Variants in ZMYND11 observed in about 807,000 individuals in gnomAD.
The protein encoded by ZMYND11 is zinc finger MYND domain-containing protein 11.
ZMYND11 carries 9 observed loss-of-function variants against 84.9 expected under a neutral mutation model. The observed-to-expected ratio is 0.11, with a 90% CI of 0.06 to 0.18. The LOEUF is 0.18. Ranked by LOEUF, ZMYND11 falls within the 10% of genes least tolerant of loss-of-function variation. ZMYND11 has a pLI of 1.00. For synonymous variants in ZMYND11, 250 were observed against 244.1 expected (o/e 1.02, Z -0.23); for missense variants, 409 against 761.0 (o/e 0.54, Z 5.44).
intron 1 of ZMYND11, among the ~76,000 whole-genome samples, chr10:170,861 A>G (rs1845162259): frequency 6.6e-6 from 1 of 152,158 alleles, no homozygotes; most frequent in Non-Finnish European, 1.5e-5. Flanking sequence ...ATCACTTGAA[A>G]TATGGCCTAA....
chr10:202,541 A>G (rs75017789), intron 2 of ZMYND11, among the ~76,000 whole-genome samples: 481 of 152,198 alleles, frequency 3.2e-3, no homozygotes, highest in African/African-American at 0.011. Flanking sequence ...CCATCCAGAA[A>G]ACAAAGTTAT....
Position 240,913 on chromosome 10 carries a change from C to T in ZMYND11, c.774C>T (p.Cys258=), listed in dbSNP as rs147479777. Residue 258 remains cysteine, a synonymous_variant, in exon 9 of 15, where the codon TGC becomes TGT. Transcript: ENST00000381604. ...TCHELDELQL[C]KNCFYLSNAR... is the part of the protein sequence containing the mutation. ...TTCAGCTGGATGAACTGCAGCTTTG[C>T]AAGAATTGCTTTTACTTGTCAAATG... is the stretch of plus-strand genomic sequence containing the variant. The T allele has an allele frequency of 3.2e-5, 52 of 1,613,396 alleles. No individual in the cohort carries two copies. Among genetic ancestry groups the T allele is most frequent in the Non-Finnish European group, 1.7e-6 (2 of 1,179,894 alleles).
chr10:218,337 C>G (rs1356800449), intron 3 of ZMYND11: 2 of 171,242 alleles, frequency 1.2e-5, no homozygotes, highest in African/African-American at 4.8e-5. Flanking sequence ...TAGTATAAGT[C>G]ATATAGGAAA....
intron 1 of ZMYND11, among the ~76,000 whole-genome samples, chr10:155,870 G>T (rs1841584519): frequency 6.6e-6 from 1 of 152,122 alleles, no homozygotes; most frequent in African/African-American, 2.4e-5. Context: ...TGACATTTTG[G>T]TGTACAAGAG....
intron 4 of ZMYND11, among the ~76,000 whole-genome samples, chr10:226,861 G>T (rs1231424591): frequency 6.6e-6 from 1 of 152,024 alleles, no homozygotes; most frequent in Non-Finnish European, 1.5e-5. Context: ...GAAATAAAAG[G>T]ATCAAATTAA....
chr10:218,597 C>T, intron 3 of ZMYND11: 2 of 228,102 alleles, frequency 8.8e-6, no homozygotes, highest in Non-Finnish European at 9.7e-6. Context: ...TTAACTCTTG[C>T]TAGATTTGTT....
chr10:131,745 C>T (rs1424488770), upstream of ZMYND11, among the ~76,000 whole-genome samples: 1 of 151,516 alleles, frequency 6.6e-6, no homozygotes, highest in African/African-American at 2.4e-5. Context: ...CCAGGCTGTT[C>T]TCGAACTCCT....
intron 1 of ZMYND11, among the ~76,000 whole-genome samples, chr10:144,632 C>T (rs1346030659): frequency 7.8e-6 from 1 of 128,286 alleles, no homozygotes; most frequent in Non-Finnish European, 1.6e-5. Context: ...GGCTGAGCGT[C>T]TGAATTCCTT....
rs1235540387 is a variant in ZMYND11, at chr10:145,204, GTATA to G, written c.-20+9651_-20+9654del. The stretch of plus-strand genomic sequence containing the variant: ...TATATGTGTATATACATATGTGTGT[GTATA>G]TATATGTATATATGTGTGTATATAT... On this transcript the variant is annotated intron_variant, in intron 1 of 14. Coordinates refer to ENST00000381604, the MANE Select transcript of ZMYND11 (RefSeq NM_001370100.5). Among the ~76,000 whole-genome samples, 9 of 146,790 alleles carry G rather than the reference GTATA, an allele frequency of 6.1e-5. No individual in the cohort carries two copies. The East Asian group carries it at 1.4e-3, about 22-fold the overall frequency.
chr10:215,541 A>G (rs1303879418), intron 3 of ZMYND11, among the ~76,000 whole-genome samples: 1 of 149,776 alleles, frequency 6.7e-6, no homozygotes, highest in Non-Finnish European at 1.5e-5. Context: ...AAATAGGCCT[A>G]GGGGGCATCT....
At chr10:189,401 T>A (rs1031209944) in intron 2 of ZMYND11, among the ~76,000 whole-genome samples, 2 of 152,266 alleles carry the variant, frequency 1.3e-5, no homozygotes, top group African/African-American at 4.8e-5. Flanking sequence ...AGCCATTGCC[T>A]AAGTTACTTC....
At chr10:238,379 CGG>C (rs1950327415) in intron 6 of ZMYND11, among the ~76,000 whole-genome samples, 1 of 150,780 alleles carries the variant, frequency 6.6e-6, no homozygotes, top group Non-Finnish European at 1.5e-5. Context: ...TTTTTTGAGA[CGG>C]AGTCTCACTC....
chr10:234,031 G>A (rs1340788348), intron 4 of ZMYND11, among the ~76,000 whole-genome samples: 1 of 152,178 alleles, frequency 6.6e-6, no homozygotes, highest in Non-Finnish European at 1.5e-5. Context: ...ATGAACAAGT[G>A]TTACCTAAAC....
chr10:170,099 A>G (rs564369661), intron 1 of ZMYND11, among the ~76,000 whole-genome samples: 4 of 152,256 alleles, frequency 2.6e-5, no homozygotes, highest in East Asian at 1.9e-4. Flanking sequence ...TTCAGAAACC[A>G]TGCAAGCAGG....
At chr10:211,682 A>C (rs555911457) in intron 3 of ZMYND11, among the ~76,000 whole-genome samples, 1 of 152,340 alleles carries the variant, frequency 6.6e-6, no homozygotes, top group South Asian at 2.1e-4. Flanking sequence ...AGCAACAGAA[A>C]ACATGGAAGA....
At chr10:169,019 G>A (rs1397307367) in intron 1 of ZMYND11, among the ~76,000 whole-genome samples, 9 of 152,092 alleles carry the variant, frequency 5.9e-5, no homozygotes, top group African/African-American at 1.7e-4. Flanking sequence ...TTCTTGGAGC[G>A]GGAGGGGGAA....
chr10:243,915 CTG>C (rs1244540590), intron 10 of ZMYND11, among the ~76,000 whole-genome samples: 3 of 152,168 alleles, frequency 2.0e-5, no homozygotes, highest in Non-Finnish European at 1.5e-5. Context: ...CTAGAGTAGT[CTG>C]TCACCTGAAG....
intron 10 of ZMYND11, among the ~76,000 whole-genome samples, chr10:246,035 C>T (rs761422832): frequency 6.6e-6 from 1 of 152,190 alleles, no homozygotes; most frequent in Non-Finnish European, 1.5e-5. Flanking sequence ...TTGAACACAA[C>T]ATTTGGGATG....
At chr10:197,932 C>A in intron 2 of ZMYND11, 1 of 638,696 alleles carries the variant, frequency 1.6e-6, no homozygotes, top group South Asian at 1.8e-5. Context: ...CTACATTATT[C>A]TTGAACCTAT....
Sources: gnomAD v4.1 joint callset for allele counts (sites outside exome capture counted in the v4.1 genomes callset) on GRCh38, gnomAD v4.1.1 for gene constraint, MANE v1.5 for transcripts, NCBI Gene and HGNC (gene_info 2026-07-23, HGNC 2026-07-21) for gene names.